RAB17: variants seen among roughly 807,000 people sequenced by gnomAD.
RAB17 encodes the protein ras-related protein Rab-17.
A neutral mutation model predicts 19.3 loss-of-function variants in RAB17; 15 were observed. That is an observed-to-expected ratio of 0.78 (90% CI 0.52 to 1.20). The LOEUF (loss-of-function observed/expected upper bound fraction) is 1.20, where lower values mean the gene tolerates loss of function less well. RAB17 is among the 50% of genes most tolerant of loss of function. The probability of loss-of-function intolerance (pLI) is 0.00; values close to 1 mark genes in which losing one functional copy is unlikely to be tolerated. For missense variants in RAB17, 262 were observed against 269.3 expected (o/e 0.97, Z 0.19); for synonymous variants, 110 against 112.8 (o/e 0.97, Z 0.16).
At chr2:237,585,795 G>T (rs1415454670) in intron 2 of RAB17, among the ~76,000 whole-genome samples, 1 of 152,172 alleles carries the variant, frequency 6.6e-6, no homozygotes, top group African/African-American at 2.4e-5. Context: ...CTGACCCAGA[G>T]CCAAGGGCAT....
Position 237,574,618 on chromosome 2 carries a change from T to TGGGCCCAGGCTCC in RAB17, c.*388_*400dup. The TGGGCCCAGGCTCC allele has an allele frequency of 1.3e-6, 2 of 1,528,536 alleles. No homozygotes were observed. Among genetic ancestry groups the TGGGCCCAGGCTCC allele is most frequent in the South Asian group, 2.5e-5 (2 of 80,412 alleles). 94.7% of individuals were successfully genotyped at this position (1,528,536 alleles called of 1,614,324 possible). A position where few individuals can be genotyped will look rare whatever the true frequency, so the allele number is the denominator to read the frequency against. On this transcript the variant is annotated 3_prime_UTR_variant, in exon 6 of 6. Transcript: ENST00000264601. ...TGCTCCCCAACCCCCCAGAAGCAGG[T>TGGGCCCAGGCTCC]GGGCCCAGGCTCCAGGCCAGTGCCC...
At chr2:237,579,942 C>A (rs2081296068) in intron 2 of RAB17, among the ~76,000 whole-genome samples, 1 of 152,230 alleles carries the variant, frequency 6.6e-6, no homozygotes, top group Non-Finnish European at 1.5e-5. Flanking sequence ...CAGTCTCCAT[C>A]CAGACAGTAG....
intron 1 of RAB17, 68 bp downstream of exon 1, chr2:237,590,399 A>C (rs959719137): frequency 2.0e-5 from 3 of 152,486 alleles, no homozygotes; most frequent in Non-Finnish European, 4.4e-5. Context: ...ACACACAGAG[A>C]AGCAGAGACA....
Position 237,578,098 on chromosome 2 carries a change from C to T in RAB17, c.215G>A (p.Trp72Ter). 2.5e-6 allele frequency: 4 copies of T among 1,613,852 alleles called. No individual in the cohort carries two copies. Among genetic ancestry groups the T allele is most frequent in the Non-Finnish European group, 3.4e-6 (4 of 1,179,734 alleles). ...VGATSLKLEI[W>*]DTAGQEKYHS... is the part of the protein sequence containing the mutation. ...GTACTTCTCCTGGCCAGCTGTGTCC[C>T]AGATCTCAAGCTTCAGAGAGGTGGC... The change falls in exon 3 of 6, where the codon TGG becomes TAG. Residue 72 changes from tryptophan (W) to a stop codon, truncating the protein, a stop_gained. Coordinates refer to ENST00000264601, the MANE Select transcript of RAB17 (RefSeq NM_022449.4). LOFTEE classifies it high-confidence loss of function.
At chr2:237,580,293 C>A (rs1328355373) in intron 2 of RAB17, among the ~76,000 whole-genome samples, 2 of 152,226 alleles carry the variant, frequency 1.3e-5, no homozygotes, top group Non-Finnish European at 2.9e-5. Flanking sequence ...TTATCCACAT[C>A]TTTCTGTTTC....
chr2:237,578,123 C>T lies in RAB17; in HGVS notation c.190G>A (p.Ala64Thr). Reference protein sequence around the residue: ...AFFTKVVDVGATSLKLEIWDT... With the variant: ...AFFTKVVDVGTTSLKLEIWDT... ...CAGATCTCAAGCTTCAGAGAGGTGG[C>T]ACCCACATCCACCACCTTTGTGAAG... Residue 64 changes from alanine to threonine, a missense_variant, in exon 3 of 6, where the codon GCC becomes ACC. Transcript: ENST00000264601. 6.2e-7 allele frequency: 1 copy of T among 1,613,544 alleles called. No individual in the cohort carries two copies. The highest frequency in any genetic ancestry group is 8.5e-7 in the Non-Finnish European group (1 of 1,179,514).
At chr2:237,579,202 C>A (rs1225059005) in intron 2 of RAB17, 5 of 152,104 alleles carry the variant, frequency 3.3e-5, no homozygotes, top group African/African-American at 7.2e-5. Context: ...CTGCCTAGAC[C>A]CTGGATTGGG....
In RAB17 at chr2:237,586,410, C is replaced by T. The variant is rs371519527; in HGVS notation, c.-3-253G>A. Among the ~76,000 whole-genome samples the T allele has an allele frequency of 1.4e-4, 22 of 152,240 alleles. No homozygotes were observed. In the East Asian group the frequency reaches 2.3e-3, roughly 16 times the overall value. On this transcript the variant is annotated intron_variant, in intron 1 of 5. Coordinates refer to ENST00000264601, the MANE Select transcript of RAB17 (RefSeq NM_022449.4). ...AGCTTTGCTTGGAAAGCTCCGGGCA[C>T]GGGTCATTGCAGACCCTGAAAAGCA...
At position 237,588,619 on chromosome 2, in the gene RAB17, C is replaced by T. The variant is rs147124548; in HGVS notation, c.-4+1848G>A. ...ACTACTCAATGGCTACAGTGTACACCGCTCTGGTATGGGGTGCAACAAAAT... is the reference window on the plus strand; with the variant it reads ...ACTACTCAATGGCTACAGTGTACACTGCTCTGGTATGGGGTGCAACAAAAT... On this transcript the variant is annotated intron_variant, in intron 1 of 5. Coordinates refer to ENST00000264601, the MANE Select transcript of RAB17 (RefSeq NM_022449.4). Among the ~76,000 whole-genome samples, 90 of 152,260 alleles carry T rather than the reference C, an allele frequency of 5.9e-4. 1 individual carries two copies. The highest frequency in any genetic ancestry group is 1.9e-3 in the African/African-American group (81 of 41,548).
intron 2 of RAB17, among the ~76,000 whole-genome samples, chr2:237,580,000 G>A (rs888419351): frequency 1.3e-5 from 2 of 152,176 alleles, no homozygotes; most frequent in Non-Finnish European, 2.9e-5. Context: ...GACTGAACCG[G>A]CTATAAACCT....
rs577840520 is a variant in RAB17, at chr2:237,589,135, G to A, written c.-4+1332C>T. On this transcript the variant is annotated intron_variant, in intron 1 of 5. Coordinates refer to ENST00000264601, the MANE Select transcript of RAB17 (RefSeq NM_022449.4). ...CTCGGGAGGCTGAGGCAGGAAAATC[G>A]CTTGAACCCAGGAGGCAGAGGTTTC... Among the ~76,000 whole-genome samples, 422 of 151,368 alleles carry A rather than the reference G, an allele frequency of 2.8e-3. 2 individuals are homozygous for A. Among genetic ancestry groups the A allele is most frequent in the African/African-American group, 7.7e-3 (315 of 40,902 alleles).
chr2:237,589,641 G>A (rs1389088850), intron 1 of RAB17, among the ~76,000 whole-genome samples: 2 of 152,166 alleles, frequency 1.3e-5, no homozygotes, highest in East Asian at 1.9e-4. Flanking sequence ...TGTCCAAAGA[G>A]AAAATTAAAA....
Position 237,575,095 on chromosome 2 carries a change from CCCT to C in RAB17, c.560_562del (p.Glu187del). On this transcript the variant is annotated inframe_deletion, in exon 6 of 6. Transcript: ENST00000264601. Reference sequence around the variant, plus strand: ...AGCTGCATCCCCCCGTAGAGCCTGGCCCTCCTCGTCGCTTCTCTGCAGTAGCTC... The same window carrying C: ...AGCTGCATCCCCCCGTAGAGCCTGGCCCTCGTCGCTTCTCTGCAGTAGCTC... 1.2e-6 allele frequency: 2 copies of C among 1,613,634 alleles called. No individual in the cohort carries two copies. The highest frequency in any genetic ancestry group is 1.7e-6 in the Non-Finnish European group (2 of 1,179,886).
At chr2:237,585,111 G>A (rs2081339475) in intron 2 of RAB17, among the ~76,000 whole-genome samples, 1 of 152,242 alleles carries the variant, frequency 6.6e-6, no homozygotes, top group South Asian at 2.1e-4. Flanking sequence ...TTGTGTTTCT[G>A]TGTTTGGTGC....
At chr2:237,583,988 G>C (rs368109301) in intron 2 of RAB17, among the ~76,000 whole-genome samples, 6 of 133,034 alleles carry the variant, frequency 4.5e-5, no homozygotes, top group African/African-American at 1.8e-4. Context: ...TTCACCCCCC[G>C]ACCCTGGTAG....
At chr2:237,589,449 A>G (rs2081375919) in intron 1 of RAB17, among the ~76,000 whole-genome samples, 1 of 152,216 alleles carries the variant, frequency 6.6e-6, no homozygotes, top group African/African-American at 2.4e-5. Flanking sequence ...CTTCAAAATC[A>G]TGTTTAATGG....
intron 2 of RAB17, among the ~76,000 whole-genome samples, chr2:237,581,342 C>A (rs2081307140): frequency 6.6e-6 from 1 of 151,452 alleles, no homozygotes; most frequent in Non-Finnish European, 1.5e-5. Flanking sequence ...CCACCACACT[C>A]CAGCCTGGGC....
intron 2 of RAB17, among the ~76,000 whole-genome samples, chr2:237,580,293 C>T (rs1328355373): frequency 6.6e-6 from 1 of 152,226 alleles, no homozygotes; most frequent in Non-Finnish European, 1.5e-5. Context: ...TTATCCACAT[C>T]TTTCTGTTTC....
At chr2:237,581,753 G>A (rs907730727) in intron 2 of RAB17, among the ~76,000 whole-genome samples, 5 of 152,350 alleles carry the variant, frequency 3.3e-5, no homozygotes, top group East Asian at 1.9e-4. Flanking sequence ...CCACGTTCTC[G>A]ATTTAGAAGG....
Sources: gnomAD v4.1 joint callset for allele counts (sites outside exome capture counted in the v4.1 genomes callset) on GRCh38, gnomAD v4.1.1 for gene constraint, MANE v1.5 for transcripts, NCBI Gene and HGNC (gene_info 2026-07-23, HGNC 2026-07-21) for gene names.